USP25: variants seen among roughly 807,000 people sequenced by gnomAD.
USP25 encodes ubiquitin carboxyl-terminal hydrolase 25.
USP25 carries 85 observed loss-of-function variants against 158.5 expected under a neutral mutation model. The ratio of observed to expected loss-of-function variants is 0.54; its 90% confidence interval spans 0.45 to 0.64. USP25 has a LOEUF of 0.64. Ranked by LOEUF, USP25 falls within the 30% of genes least tolerant of loss-of-function variation. The pLI is 0.00. For synonymous variants in USP25, 464 were observed against 460.4 expected (o/e 1.01, Z -0.10); for missense variants, 1,242 against 1,327.3 (o/e 0.94, Z 1.00).
intron 20 of USP25, among the ~76,000 whole-genome samples, chr21:15,851,753 C>T (rs2038898523): frequency 6.6e-6 from 1 of 151,836 alleles, no homozygotes; most frequent in African/African-American, 2.4e-5. Context: ...CTCATTCTGC[C>T]TTTACCAGTT....
intron 17 of USP25, among the ~76,000 whole-genome samples, chr21:15,836,115 A>G (rs571998151): frequency 1.3e-5 from 2 of 152,284 alleles, no homozygotes; most frequent in South Asian, 2.1e-4. Flanking sequence ...TCAGGTGTTC[A>G]CTAGTATTAC....
intron 1 of USP25, among the ~76,000 whole-genome samples, chr21:15,742,076 A>G (rs986019678): frequency 2.0e-5 from 3 of 151,878 alleles, no homozygotes; most frequent in Non-Finnish European, 4.4e-5. Flanking sequence ...AGGTAAGTAA[A>G]TTGGACAGAA....
chr21:15,842,376 A>AATTG, intron 17 of USP25, 22 bp from the exon 18 acceptor site: 2 of 1,610,470 alleles, frequency 1.2e-6, no homozygotes, highest in Non-Finnish European at 1.7e-6. Flanking sequence ...TTAGATATAT[A>AATTG]ATTGATTCTT....
At chr21:15,758,781 A>G (rs138797956) in intron 1 of USP25, among the ~76,000 whole-genome samples, 23 of 152,144 alleles carry the variant, frequency 1.5e-4, no homozygotes, top group Non-Finnish European at 2.6e-4. Context: ...GAGCATGTGC[A>G]GGGGAACTTT....
At chr21:15,753,297 G>T (rs1162522169) in intron 1 of USP25, among the ~76,000 whole-genome samples, 2 of 152,152 alleles carry the variant, frequency 1.3e-5, no homozygotes, top group African/African-American at 4.8e-5. Context: ...TGTTGCGAGG[G>T]TCTGTCAGGA....
At chr21:15,799,068 T>C (rs1459551323) in intron 5 of USP25, among the ~76,000 whole-genome samples, 2 of 151,330 alleles carry the variant, frequency 1.3e-5, no homozygotes, top group African/African-American at 4.8e-5. Context: ...CTGATGTATT[T>C]ACTGAGTATG....
At chr21:15,736,004 A>G (rs9980051) in intron 1 of USP25, among the ~76,000 whole-genome samples, 5,818 of 138,358 alleles carry the variant, frequency 0.042, 346 homozygotes, top group African/African-American at 0.16. Flanking sequence ...GTGTGTGTGT[A>G]TGTATGTACA....
Position 15,833,463 on chromosome 21 carries a change from G to T in USP25, c.2109G>T (p.Trp703Cys), listed in dbSNP as rs1489835367. ...NQRFEKELEE[W>C]DAQLAQKALQ... ...GATTTGAAAAAGAACTAGAAGAATG[G>T]GATGCACAACTTGCCCAGAAAGCTT... Residue 703 changes from tryptophan to cysteine, a missense_variant, in exon 17 of 26, where the codon TGG (tryptophan) becomes TGT (cysteine). By Grantham distance (215) the Trp-to-Cys change is radical. This residue lies in a region of USP25 where 608 missense variants were observed against 605.2 expected (regional missense o/e 1.00). Transcript: ENST00000400183. The T allele has an allele frequency of 6.2e-7, 1 of 1,613,898 alleles. No individual in the cohort carries two copies. Among genetic ancestry groups the T allele is most frequent in the East Asian group, 2.2e-5 (1 of 44,854 alleles).
At chr21:15,818,492 T>C (rs1488362143) in intron 9 of USP25, among the ~76,000 whole-genome samples, 1 of 152,092 alleles carries the variant, frequency 6.6e-6, no homozygotes, top group East Asian at 1.9e-4. Context: ...TAATTACATA[T>C]ATGTGGATGT....
Position 15,818,922 on chromosome 21 carries a change from A to G in USP25, c.1080+76A>G, listed in dbSNP as rs73892545. The G allele has an allele frequency of 1.8e-3, 2,589 of 1,464,774 alleles. 37 individuals carry two copies. In the African/African-American group the frequency reaches 0.032, roughly 18 times the overall value. 90.7% of individuals were successfully genotyped at this position (1,464,774 alleles called of 1,614,324 possible). A position where few individuals can be genotyped will look rare whatever the true frequency, so the allele number is the denominator to read the frequency against. On this transcript the variant is annotated intron_variant, in intron 10 of 25. Coordinates refer to ENST00000400183, the MANE Select transcript of USP25 (RefSeq NM_001283041.3). ...ATGCTATAGCACAATGTAAGGTTCT[A>G]ATTATAGAGCTACCTAATAATTGAG...
At position 15,879,654 on chromosome 21, in the gene USP25, C is replaced by A. The variant is rs779701167; in HGVS notation, c.*1179C>A. 2 of 152,402 alleles carry A rather than the reference C, an allele frequency of 1.3e-5. No homozygotes were observed. The highest frequency in any genetic ancestry group is 2.9e-5 in the Non-Finnish European group (2 of 67,966). 9.4% of individuals were successfully genotyped at this position (152,402 alleles called of 1,614,324 possible). ...GTTACTAACAACCTATTTTTGAATT[C>A]ATAAAAATTTCTTTATAAATGATGT... On this transcript the variant is annotated 3_prime_UTR_variant, in exon 26 of 26. Transcript: ENST00000400183.
intron 1 of USP25, among the ~76,000 whole-genome samples, chr21:15,736,466 T>A (rs1491000715): frequency 6.6e-6 from 1 of 152,204 alleles, no homozygotes; most frequent in Non-Finnish European, 1.5e-5. Context: ...ATAAATTTAA[T>A]CTTTTTATTG....
intron 1 of USP25, among the ~76,000 whole-genome samples, chr21:15,739,299 G>A (rs1383487832): frequency 6.6e-6 from 1 of 152,078 alleles, no homozygotes; most frequent in Non-Finnish European, 1.5e-5. Flanking sequence ...TGTACCTCAT[G>A]CATTTCTGAA....
chr21:15,773,245 C>G (rs199695468), intron 3 of USP25: 1 of 152,242 alleles, frequency 6.6e-6, no homozygotes, highest in Non-Finnish European at 1.5e-5. Flanking sequence ...TATGGTCGTT[C>G]TAGCCACAAG....
chr21:15,833,916 G>T (rs2037933509), intron 17 of USP25, among the ~76,000 whole-genome samples: 2 of 152,160 alleles, frequency 1.3e-5, no homozygotes, highest in South Asian at 4.1e-4. Context: ...GCTATCAAGA[G>T]TATCAATTCA....
At chr21:15,758,044 C>A (rs2033496134) in intron 1 of USP25, among the ~76,000 whole-genome samples, 1 of 152,162 alleles carries the variant, frequency 6.6e-6, no homozygotes, top group African/African-American at 2.4e-5. Flanking sequence ...TGAGACTCTG[C>A]TTCTAAGTTG....
At chr21:15,759,946 A>G (rs552284744) in intron 1 of USP25, among the ~76,000 whole-genome samples, 1 of 152,342 alleles carries the variant, frequency 6.6e-6, no homozygotes, top group African/African-American at 2.4e-5. Context: ...CTGGCATTTT[A>G]TATGACTTTG....
chr21:15,862,184 C>T (rs1000498140), intron 20 of USP25, among the ~76,000 whole-genome samples: 6 of 151,956 alleles, frequency 3.9e-5, no homozygotes, highest in Non-Finnish European at 7.4e-5. Flanking sequence ...GTATGATATA[C>T]GAAATATTTG....
In USP25 at chr21:15,878,419, G is replaced by T; in HGVS notation, c.3322G>T (p.Glu1108Ter). 6.2e-7 allele frequency: 1 copy of T among 1,614,032 alleles called. No individual in the cohort carries two copies. Among genetic ancestry groups the T allele is most frequent in the South Asian group, 1.1e-5 (1 of 91,066 alleles). The change falls in exon 26 of 26, where the codon GAG becomes TAG. Residue 1108 changes from glutamate to a stop codon, truncating the protein, a stop_gained. Transcript: ENST00000400183. LOFTEE classifies it high-confidence loss of function. Reference sequence around the variant, plus strand: ...TTCATATTCCACGCATGAACTCTGTGAGCGATTTGCCCGAATCATGTTGTC... The same window carrying T: ...TTCATATTCCACGCATGAACTCTGTTAGCGATTTGCCCGAATCATGTTGTC... Reference protein sequence around the residue: ...LPSYSTHELCERFARIMLSLS... With the variant: ...LPSYSTHELC
Sources: gnomAD v4.1 joint callset for allele counts (sites outside exome capture counted in the v4.1 genomes callset) on GRCh38, gnomAD v4.1.1 for gene constraint, gnomAD v4.1.1 regional missense constraint, MANE v1.5 for transcripts, NCBI Gene and HGNC (gene_info 2026-07-23, HGNC 2026-07-21) for gene names.